SPATA12: variants seen among roughly 807,000 people sequenced by gnomAD.
The protein encoded by SPATA12 is spermatogenesis-associated protein 12.
For missense variants in SPATA12, 219 were observed against 226.4 expected, an observed-to-expected ratio of 0.97 and a Z score of 0.21; for synonymous variants, 85 against 89.2, an observed-to-expected ratio of 0.95 and a Z score of 0.26.
chr3:57,067,816 A>T (rs1410480908), intron 1 of SPATA12, among the ~76,000 whole-genome samples: 2 of 71,674 alleles, frequency 2.8e-5, no homozygotes, highest in African/African-American at 6.8e-5. Flanking sequence ...CGTCTCTACT[A>T]AAAAAAAAAA....
At chr3:57,068,168 TAC>T (rs55876198) in intron 1 of SPATA12, among the ~76,000 whole-genome samples, 3,972 of 149,064 alleles carry the variant, frequency 0.027, 78 homozygotes, top group Non-Finnish European at 0.038. Flanking sequence ...CACACACACA[TAC>T]ACACACACAC....
intron 1 of SPATA12, among the ~76,000 whole-genome samples, chr3:57,065,436 G>A (rs1705474484): frequency 6.6e-6 from 1 of 151,940 alleles, no homozygotes; most frequent in African/African-American, 2.4e-5. Context: ...ACTCCAGCCT[G>A]GGCAACAGAG....
rs12497828 is a variant in SPATA12 at position 57,072,336 on chromosome 3, G to C, written c.-329-1030G>C. ...TCTTCCCTGAGGAATGGAAGAGCCA[G>C]GGCAGGTAAAAGAGAGGAGAAATGT... On this transcript the variant is annotated intron_variant, in intron 1 of 1. Coordinates refer to ENST00000334325, the MANE Select transcript of SPATA12 (RefSeq NM_181727.2). 1.1e-4 allele frequency among the ~76,000 whole-genome samples: 17 copies of C among 152,164 alleles called. No individual in the cohort carries two copies. The East Asian group carries it at 2.1e-3, about 19-fold the overall frequency.
Position 57,073,753 on chromosome 3 carries a change from A to C in SPATA12, c.59A>C (p.Glu20Ala). 1 of 1,614,182 alleles carries C rather than the reference A, an allele frequency of 6.2e-7. No individual in the cohort carries two copies. Among genetic ancestry groups the C allele is most frequent in the Non-Finnish European group, 8.5e-7 (1 of 1,180,042 alleles). Reference protein sequence around the residue: ...STLEKSGDTWEMKALDSSRLV... With the variant: ...STLEKSGDTWAMKALDSSRLV... ...TTAGAAAAGTCAGGAGACACCTGGG[A>C]AATGAAGGCACTAGACTCTTCCAGA... The change falls in exon 2 of 2, where the codon GAA becomes GCA. Residue 20 changes from glutamate to alanine, a missense_variant. Transcript: ENST00000334325.
At chr3:57,062,621 G>T (rs1021014957) in intron 1 of SPATA12, among the ~76,000 whole-genome samples, 2 of 152,176 alleles carry the variant, frequency 1.3e-5, no homozygotes. Flanking sequence ...TAGCCACTCA[G>T]CAAAACACTA....
At chr3:57,071,089 A>T (rs1370383640) in intron 1 of SPATA12, among the ~76,000 whole-genome samples, 7 of 152,196 alleles carry the variant, frequency 4.6e-5, no homozygotes, top group Non-Finnish European at 8.8e-5. Context: ...GACAGTATAG[A>T]CAGCAATACT....
intron 1 of SPATA12, among the ~76,000 whole-genome samples, chr3:57,067,130 A>C (rs1452700612): frequency 6.6e-6 from 1 of 152,166 alleles, no homozygotes; most frequent in African/African-American, 2.4e-5. Flanking sequence ...ATTTTTTAAA[A>C]ACCACAAAAT....
chr3:57,062,865 T>A (rs918999540), intron 1 of SPATA12, among the ~76,000 whole-genome samples: 13 of 152,254 alleles, frequency 8.5e-5, no homozygotes, highest in African/African-American at 2.9e-4. Context: ...CAAATTATTG[T>A]CTGTACCAGG....
chr3:57,062,665 G>A (rs1463901433), intron 1 of SPATA12, among the ~76,000 whole-genome samples: 1 of 152,128 alleles, frequency 6.6e-6, no homozygotes, highest in Non-Finnish European at 1.5e-5. Context: ...TATCTGGTGG[G>A]AATGACAGGA....
At chr3:57,064,930 C>T (rs1275451327) in intron 1 of SPATA12, among the ~76,000 whole-genome samples, 1 of 152,122 alleles carries the variant, frequency 6.6e-6, no homozygotes, top group Non-Finnish European at 1.5e-5. Context: ...GTAAATTTTA[C>T]GTTATGTGTG....
At chr3:57,070,125 C>G (rs2107394346) in intron 1 of SPATA12, among the ~76,000 whole-genome samples, 1 of 152,300 alleles carries the variant, frequency 6.6e-6, no homozygotes, top group East Asian at 1.9e-4. Flanking sequence ...AGCCTGGCTT[C>G]AATTCTCCTA....
intron 1 of SPATA12, among the ~76,000 whole-genome samples, 193 bp downstream of exon 1, chr3:57,060,979 T>C (rs1475897140): frequency 1.3e-5 from 2 of 152,206 alleles, no homozygotes; most frequent in Non-Finnish European, 2.9e-5. Flanking sequence ...TGGTAAAATA[T>C]AATATAAAAC....
Position 57,073,931 on chromosome 3 carries a change from T to C in SPATA12, c.237T>C (p.Ser79=). 6.2e-7 allele frequency: 1 copy of C among 1,614,214 alleles called. No individual in the cohort carries two copies. The highest frequency in any genetic ancestry group is 8.5e-7 in the Non-Finnish European group (1 of 1,180,046). The change falls in exon 2 of 2, where the codon AGT becomes AGC. Residue 79 remains serine (S), a synonymous_variant. Transcript: ENST00000334325. ...CATTTCAGGGGGATGTGTGCCAAAG[T>C]GAGACCTGTCAGAGATATTTACAAG... The part of the protein sequence containing the change: ...ELTFQGDVCQ[S]ETCQRYLQAA...
chr3:57,069,274 C>T (rs1372676887), intron 1 of SPATA12, among the ~76,000 whole-genome samples: 1 of 152,050 alleles, frequency 6.6e-6, no homozygotes, highest in Non-Finnish European at 1.5e-5. Context: ...ATGTAAGTTT[C>T]TCTTCTCCCA....
intron 1 of SPATA12, among the ~76,000 whole-genome samples, chr3:57,067,750 G>C (rs1705636901): frequency 6.6e-6 from 1 of 151,152 alleles, no homozygotes; most frequent in African/African-American, 2.4e-5. Context: ...GAGAGGCCGA[G>C]GCGGGCGGAT....
intron 1 of SPATA12, among the ~76,000 whole-genome samples, chr3:57,071,866 T>C (rs538936417): frequency 6.6e-6 from 1 of 152,078 alleles, no homozygotes; most frequent in South Asian, 2.1e-4. Context: ...TACTTTAAAA[T>C]CATAGCTGAT....
chr3:57,064,200 T>TA (rs1473147198), intron 1 of SPATA12, among the ~76,000 whole-genome samples: 1 of 151,800 alleles, frequency 6.6e-6, no homozygotes, highest in Non-Finnish European at 1.5e-5. Context: ...GCCTGGGGGG[T>TA]AGAGGTTGCA....
rs974403928 is a variant in SPATA12 at position 57,072,869 on chromosome 3, A to G, written c.-329-497A>G. On this transcript the variant is annotated intron_variant, in intron 1 of 1. Coordinates refer to ENST00000334325, the MANE Select transcript of SPATA12 (RefSeq NM_181727.2). ...AGACCAGCCTGGCCAAGATGGTGAA[A>G]CCCCATCTCTACTAAAAAATACAAA... is the stretch of plus-strand genomic sequence containing the variant. Among the ~76,000 whole-genome samples, 6 of 152,092 alleles carry G rather than the reference A, an allele frequency of 3.9e-5. No individual in the cohort carries two copies. In the East Asian group the frequency reaches 1.2e-3, roughly 29 times the overall value.
At chr3:57,067,692 C>T (rs528123615) in intron 1 of SPATA12, among the ~76,000 whole-genome samples, 3 of 150,584 alleles carry the variant, frequency 2.0e-5, no homozygotes, top group South Asian at 2.1e-4. Context: ...AAAAATTAGC[C>T]GGCGTGAGAC....
Sources: allele counts gnomAD v4.1 joint callset (sites outside exome capture counted in the v4.1 genomes callset), GRCh38; gene constraint gnomAD v4.1.1; transcripts MANE v1.5; gene names NCBI Gene and HGNC (gene_info 2026-07-23, HGNC 2026-07-21).